The following MAML3 variants were observed in gnomAD, a reference collection of about 807,000 sequenced individuals.
MAML3 encodes the protein mastermind like transcriptional coactivator 3.
In MAML3, 27 loss-of-function variants were observed where a neutral mutation model predicts 101.9. The ratio of observed to expected loss-of-function variants is 0.27; its 90% CI spans 0.20 to 0.37. The LOEUF is 0.37. Ranked by LOEUF, MAML3 falls within the 10% of genes least tolerant of loss-of-function variation. MAML3 has a pLI of 1.00. For synonymous variants in MAML3, 501 were observed against 555.9 expected (o/e 0.90, Z 1.39); for missense variants, 1,316 against 1,444.9 (o/e 0.91, Z 1.45).
chr4:140,006,573 G>A (rs549847315), intron 1 of MAML3, among the ~76,000 whole-genome samples: 23 of 115,814 alleles, frequency 2.0e-4, no homozygotes, highest in Non-Finnish European at 3.3e-4. Context: ...GTGACAGAGC[G>A]AAACTCTGTC....
chr4:139,761,382 T>C (rs935718814), intron 2 of MAML3, among the ~76,000 whole-genome samples: 9 of 151,484 alleles, frequency 5.9e-5, no homozygotes, highest in Non-Finnish European at 1.2e-4. Context: ...TCAAAGAGAG[T>C]CTGGAGGGGG....
At chr4:139,816,984 A>G (rs1256285296) in intron 2 of MAML3, among the ~76,000 whole-genome samples, 2 of 152,166 alleles carry the variant, frequency 1.3e-5, no homozygotes, top group Non-Finnish European at 2.9e-5. Flanking sequence ...CTTAGAGTCT[A>G]CTGTGATGGT....
intron 1 of MAML3, among the ~76,000 whole-genome samples, chr4:140,063,510 CTA>C (rs1233097407): frequency 6.6e-6 from 1 of 152,222 alleles, no homozygotes; most frequent in Non-Finnish European, 1.5e-5. Flanking sequence ...CCTCTCAGCA[CTA>C]TCTCTGCTTC....
At chr4:139,841,887 T>C (rs1334854125) in intron 2 of MAML3, among the ~76,000 whole-genome samples, 1 of 152,256 alleles carries the variant, frequency 6.6e-6, no homozygotes, top group Non-Finnish European at 1.5e-5. Flanking sequence ...AGCTTCCTGA[T>C]GTTCCCTCTA....
intron 1 of MAML3, among the ~76,000 whole-genome samples, chr4:140,134,843 A>C (rs1728858234): frequency 6.6e-6 from 1 of 152,170 alleles, no homozygotes; most frequent in South Asian, 2.1e-4. Flanking sequence ...CTTGCAATAA[A>C]AATATTCTCA....
At position 140,077,849 on chromosome 4, in the gene MAML3, C is replaced by G. The variant is rs142225023; in HGVS notation, c.468+75011G>C. On this transcript the variant is annotated intron_variant, in intron 1 of 4. Coordinates refer to ENST00000509479, the MANE Select transcript of MAML3 (RefSeq NM_018717.5). ...CCCAGCCAACATGGTGAAACCCTGT[C>G]TCTACTAAAAATACAAAAATTAGCT... Among the ~76,000 whole-genome samples the G allele has an allele frequency of 5.2e-3, 789 of 152,080 alleles. 7 individuals are homozygous for G. Among genetic ancestry groups the G allele is most frequent in the African/African-American group, 0.018 (728 of 41,476 alleles).
intron 1 of MAML3, among the ~76,000 whole-genome samples, chr4:139,992,417 C>T (rs192296890): frequency 3.9e-5 from 6 of 152,272 alleles, no homozygotes; most frequent in East Asian, 1.9e-4. Flanking sequence ...AGTTTAAAGA[C>T]GTTGTCACTT....
chr4:139,824,589 GCT>G (rs1731028640), intron 2 of MAML3, among the ~76,000 whole-genome samples: 1 of 152,196 alleles, frequency 6.6e-6, no homozygotes, highest in South Asian at 2.1e-4. Flanking sequence ...CATGTTAAAA[GCT>G]CTGTGGTTTG....
In MAML3 at chr4:140,014,031, C is replaced by G. The variant is rs1417164042; in HGVS notation, c.469-123064G>C. On this transcript the variant is annotated intron_variant, in intron 1 of 4. Transcript: ENST00000509479. Reference sequence around the variant, plus strand: ...GTGGTATGGGCAAAGCCAATCGCTGCAGGAGCAACATTACAGATGCTCCAC... The same window carrying G: ...GTGGTATGGGCAAAGCCAATCGCTGGAGGAGCAACATTACAGATGCTCCAC... 2.6e-5 allele frequency among the ~76,000 whole-genome samples: 4 copies of G among 152,230 alleles called. No homozygotes were observed. The East Asian group carries it at 7.7e-4, about 29-fold the overall frequency.
At chr4:140,065,017 C>T (rs960237718) in intron 1 of MAML3, among the ~76,000 whole-genome samples, 4 of 152,220 alleles carry the variant, frequency 2.6e-5, no homozygotes, top group Non-Finnish European at 4.4e-5. Flanking sequence ...ACAGAGATGA[C>T]ATTTTTCTAA....
intron 2 of MAML3, among the ~76,000 whole-genome samples, chr4:139,849,096 T>C (rs770816791): frequency 3.3e-5 from 5 of 152,240 alleles, no homozygotes; most frequent in Non-Finnish European, 7.3e-5. Context: ...TATTAGATCT[T>C]ACTGTTTCTT....
intron 1 of MAML3, among the ~76,000 whole-genome samples, chr4:140,044,235 A>G (rs1170151215): frequency 2.6e-5 from 4 of 152,196 alleles, no homozygotes; most frequent in African/African-American, 9.7e-5. Context: ...GTCAAAATAC[A>G]TTTCCCTTTG....
intron 2 of MAML3, among the ~76,000 whole-genome samples, chr4:139,756,192 A>G (rs1560784777): frequency 1.3e-5 from 2 of 152,208 alleles, no homozygotes; most frequent in African/African-American, 2.4e-5. Context: ...TCTAATCCCA[A>G]TGTATTGGTT....
intron 2 of MAML3, among the ~76,000 whole-genome samples, chr4:139,851,458 A>T (rs1012399792): frequency 5.9e-5 from 9 of 152,238 alleles, no homozygotes; most frequent in African/African-American, 1.9e-4. Context: ...AGAAATTTGG[A>T]AGAAAAGCAA....
intron 1 of MAML3, among the ~76,000 whole-genome samples, chr4:140,020,829 G>A (rs1020528128): frequency 6.6e-6 from 1 of 152,108 alleles, no homozygotes; most frequent in African/African-American, 2.4e-5. Context: ...AAATTGACTT[G>A]GGGAAGAAAA....
At chr4:140,066,953 T>G (rs1432052330) in intron 1 of MAML3, among the ~76,000 whole-genome samples, 1 of 152,234 alleles carries the variant, frequency 6.6e-6, no homozygotes, top group Non-Finnish European at 1.5e-5. Flanking sequence ...CAGGCTATTT[T>G]TAATCTCAAA....
chr4:139,922,121 G>C lies in MAML3; in HGVS notation c.469-31154C>G, dbSNP rs80239571. Among the ~76,000 whole-genome samples the C allele has an allele frequency of 4.3e-3, 661 of 152,230 alleles. 2 individuals carry two copies. Among genetic ancestry groups the C allele is most frequent in the African/African-American group, 0.015 (627 of 41,526 alleles). On this transcript the variant is annotated intron_variant, in intron 1 of 4. Transcript: ENST00000509479. Reference sequence around the variant, plus strand: ...AGGGAGAGCAAGTGCACATTGTTAAGAGGGCTTTAAGCCAGCCTGTTAGTA... The same window carrying C: ...AGGGAGAGCAAGTGCACATTGTTAACAGGGCTTTAAGCCAGCCTGTTAGTA...
At chr4:140,118,826 G>A (rs1728556126) in intron 1 of MAML3, among the ~76,000 whole-genome samples, 1 of 152,112 alleles carries the variant, frequency 6.6e-6, no homozygotes, top group South Asian at 2.1e-4. Flanking sequence ...ATGCGTAAGA[G>A]CCACTTCTGA....
chr4:140,032,137 A>G (rs538623587), intron 1 of MAML3, among the ~76,000 whole-genome samples: 1 of 152,228 alleles, frequency 6.6e-6, no homozygotes, highest in Non-Finnish European at 1.5e-5. Context: ...CAGTATTCCT[A>G]TAGCTCTGGT....
Sources: allele counts gnomAD v4.1 joint callset (sites outside exome capture counted in the v4.1 genomes callset), GRCh38; gene constraint gnomAD v4.1.1; transcripts MANE v1.5; gene names NCBI Gene and HGNC (gene_info 2026-07-23, HGNC 2026-07-21).